The following GALNT17 variants were observed in gnomAD, a reference collection of about 807,000 sequenced individuals.
GALNT17 encodes polypeptide N-acetylgalactosaminyltransferase 17, also known as UDP-GalNAc:polypeptide N-acetylgalactosaminyltransferase-like 3.
Under a neutral mutation model 63.7 loss-of-function variants are expected in GALNT17, and 29 were observed. The ratio of observed to expected loss-of-function variants is 0.46; its 90% CI spans 0.34 to 0.62. GALNT17 has a LOEUF of 0.62. Among genes scored for constraint, GALNT17 ranks in the 20% least tolerant of loss-of-function variants. The probability of loss-of-function intolerance (pLI) is 0.01; values close to 1 mark genes in which losing one functional copy is unlikely to be tolerated. For missense variants in GALNT17, 603 were observed against 799.6 expected, an observed-to-expected ratio of 0.75 and a Z score of 2.97; for synonymous variants, 305 against 318.3, an observed-to-expected ratio of 0.96 and a Z score of 0.45.
intron 3 of GALNT17, among the ~76,000 whole-genome samples, chr7:71,402,880 AT>A (rs1793264314): frequency 6.6e-6 from 1 of 152,184 alleles, no homozygotes; most frequent in Admixed American, 6.5e-5. Flanking sequence ...ACAACTTGTT[AT>A]CACACAGCTC....
At chr7:71,472,126 C>G (rs1322525407) in intron 5 of GALNT17, among the ~76,000 whole-genome samples, 1 of 152,076 alleles carries the variant, frequency 6.6e-6, no homozygotes, top group African/African-American at 2.4e-5. Flanking sequence ...CCCCTTCTCC[C>G]TGTATCATCA....
intron 1 of GALNT17, among the ~76,000 whole-genome samples, chr7:71,278,101 G>A (rs933163462): frequency 6.6e-6 from 1 of 152,150 alleles, no homozygotes; most frequent in African/African-American, 2.4e-5. Flanking sequence ...GCAGCAAAAA[G>A]TAATAATAAT....
chr7:71,668,697 T>C (rs1045025310), intron 7 of GALNT17, among the ~76,000 whole-genome samples: 2 of 152,060 alleles, frequency 1.3e-5, no homozygotes, highest in Admixed American at 6.6e-5. Context: ...TGAAGTCTTC[T>C]CCCAGGCCCC....
intron 6 of GALNT17, among the ~76,000 whole-genome samples, chr7:71,621,553 A>AGATGGATGGATG (rs71089967): frequency 0.34 from 48,851 of 142,554 alleles, 10,250 homozygotes; most frequent in South Asian, 0.48. Flanking sequence ...ATTGATGGAT[A>AGATGGATGGATG]GATGGATGGA....
At chr7:71,399,235 C>T (rs189989944) in intron 3 of GALNT17, among the ~76,000 whole-genome samples, 19 of 152,188 alleles carry the variant, frequency 1.2e-4, no homozygotes, top group African/African-American at 4.3e-4. Flanking sequence ...TTCCATCCCC[C>T]CTGCCCTCCT....
rs574932329 is a variant in GALNT17, at chr7:71,585,627, G to A, written c.1080+14225G>A. 8.6e-5 allele frequency among the ~76,000 whole-genome samples: 13 copies of A among 151,848 alleles called. No homozygotes were observed. The South Asian group carries it at 1.9e-3, about 22-fold the overall frequency. ...TTTTTCCTCAATAATATGGACTCAA[G>A]GGTTTTTTTTTAAATAAATATTTTA... On this transcript the variant is annotated intron_variant, in intron 6 of 10. Coordinates refer to ENST00000333538, the MANE Select transcript of GALNT17 (RefSeq NM_022479.3).
intron 5 of GALNT17, among the ~76,000 whole-genome samples, chr7:71,449,428 ATAAG>A (rs898491272): frequency 1.3e-5 from 2 of 152,088 alleles, no homozygotes; most frequent in African/African-American, 4.8e-5. Context: ...ATTTTTTTTA[ATAAG>A]TAAGTAATTT....
intron 5 of GALNT17, among the ~76,000 whole-genome samples, chr7:71,541,088 A>G (rs1419960951): frequency 2.0e-5 from 3 of 151,962 alleles, no homozygotes; most frequent in Non-Finnish European, 4.4e-5. Flanking sequence ...AAAAAAAAAT[A>G]CAAAAATTAG....
intron 1 of GALNT17, among the ~76,000 whole-genome samples, chr7:71,203,276 AG>A (rs1169882895): frequency 1.3e-5 from 2 of 152,208 alleles, no homozygotes; most frequent in Non-Finnish European, 2.9e-5. Context: ...ACAGCATACC[AG>A]GGTTCCTTTT....
intron 5 of GALNT17, among the ~76,000 whole-genome samples, chr7:71,558,941 A>G (rs1406807469): frequency 6.6e-6 from 1 of 152,196 alleles, no homozygotes; most frequent in Non-Finnish European, 1.5e-5. Context: ...CACACCCCAC[A>G]GAGATGAGGC....
At chr7:71,366,567 G>A (rs539031322) in intron 2 of GALNT17, among the ~76,000 whole-genome samples, 23 of 150,470 alleles carry the variant, frequency 1.5e-4, no homozygotes, top group Non-Finnish European at 2.8e-4. Context: ...GCGACAGAGC[G>A]AGACTCTGTC....
chr7:71,184,368 T>G (rs1182621207), intron 1 of GALNT17, among the ~76,000 whole-genome samples: 1 of 142,998 alleles, frequency 7.0e-6, no homozygotes, highest in Non-Finnish European at 1.5e-5. Flanking sequence ...ATTTGATCTC[T>G]GCTAGCTTGA....
chr7:71,134,835 G>GTTTTTTTTTTTTTTTTTTTT (rs561383417), intron 1 of GALNT17, among the ~76,000 whole-genome samples: 1 of 57,888 alleles, frequency 1.7e-5, no homozygotes, highest in Non-Finnish European at 2.9e-5. Flanking sequence ...TTGTTTTATG[G>GTTTTTTTTTTTTTTTTTTTT]TTTTTTTTTT....
chr7:71,347,955 A>G lies in GALNT17; in HGVS notation c.422+12222A>G, dbSNP rs1922514. On this transcript the variant is annotated intron_variant, in intron 2 of 10. Coordinates refer to ENST00000333538, the MANE Select transcript of GALNT17 (RefSeq NM_022479.3). ...TTTGATTTTTTCCACATATTGAAGTAATTTTTCCTTGAAAAGGACTGAATA... is the reference window on the plus strand; with the variant it reads ...TTTGATTTTTTCCACATATTGAAGTGATTTTTCCTTGAAAAGGACTGAATA... Among the ~76,000 whole-genome samples, 980 of 152,278 alleles carry G rather than the reference A, an allele frequency of 6.4e-3. 10 individuals carry two copies. Among genetic ancestry groups the G allele is most frequent in the African/African-American group, 0.023 (938 of 41,568 alleles).
chr7:71,451,274 G>A (rs1787258745), intron 5 of GALNT17, among the ~76,000 whole-genome samples: 1 of 152,124 alleles, frequency 6.6e-6, no homozygotes, highest in South Asian at 2.1e-4. Flanking sequence ...AATACCCTCT[G>A]GGTCTAATGT....
chr7:71,359,591 AT>A lies in GALNT17; in HGVS notation c.422+23872del, dbSNP rs34744394. The stretch of plus-strand genomic sequence containing the variant: ...GCATATAACTACTGCAGTGGGTATA[AT>A]TTTTTTTTTTTTTAGACAGATCTTG... On this transcript the variant is annotated intron_variant, in intron 2 of 10. Transcript: ENST00000333538. Among the ~76,000 whole-genome samples the A allele has an allele frequency of 3.0e-3, 445 of 146,026 alleles. 1 individual carries two copies. The highest frequency in any genetic ancestry group is 6.6e-3 in the African/African-American group (264 of 39,762).
chr7:71,156,095 C>T (rs185179799), intron 1 of GALNT17, among the ~76,000 whole-genome samples: 165 of 151,770 alleles, frequency 1.1e-3, no homozygotes, highest in South Asian at 3.7e-3. Context: ...ACTGGGGAGG[C>T]TGAGGCAGCA....
At position 71,529,766 on chromosome 7, in the gene GALNT17, G is replaced by A. The variant is rs990253746; in HGVS notation, c.963-41519G>A. On this transcript the variant is annotated intron_variant, in intron 5 of 10. Coordinates refer to ENST00000333538, the MANE Select transcript of GALNT17 (RefSeq NM_022479.3). ...ACATGTAACTACTCTGTAAGAGAAG[G>A]TTGAGTATGTACTGTTACTGCACAA... Among the ~76,000 whole-genome samples the A allele has an allele frequency of 3.3e-5, 5 of 152,176 alleles. No individual in the cohort carries two copies. The South Asian group carries it at 1.0e-3, about 31-fold the overall frequency.
At chr7:71,517,022 G>A (rs1458546407) in intron 5 of GALNT17, among the ~76,000 whole-genome samples, 1 of 152,166 alleles carries the variant, frequency 6.6e-6, no homozygotes, top group Admixed American at 6.5e-5. Flanking sequence ...ATTGCTCAGA[G>A]CTTGAAGTCA....
Sources: gnomAD v4.1 joint callset for allele counts (sites outside exome capture counted in the v4.1 genomes callset) on GRCh38, gnomAD v4.1.1 for gene constraint, MANE v1.5 for transcripts, NCBI Gene and HGNC (gene_info 2026-07-23, HGNC 2026-07-21) for gene names.